The following PTN variants were observed in gnomAD, a reference collection of about 807,000 sequenced individuals.
PTN encodes pleiotrophin, also known as heparin affin regulatory protein.
PTN carries 18 observed loss-of-function variants against 24.1 expected under a neutral mutation model. The ratio of observed to expected loss-of-function variants is 0.75; its 90% CI spans 0.52 to 1.11. PTN has a LOEUF of 1.11. PTN is among the 50% of genes least tolerant of loss of function. The pLI, the probability that PTN is intolerant of heterozygous loss-of-function variation, is 0.00. For synonymous variants in PTN, 78 were observed against 68.6 expected (o/e 1.14, Z -0.67); for missense variants, 163 against 198.8 (o/e 0.82, Z 1.08).
intron 2 of PTN, among the ~76,000 whole-genome samples, chr7:137,253,959 G>A (rs918155364): frequency 6.6e-6 from 1 of 152,118 alleles, no homozygotes; most frequent in African/African-American, 2.4e-5. Context: ...AGAAGAGATG[G>A]TCAAAAATAT....
Position 137,262,549 on chromosome 7 carries a change from C to G in PTN, c.-1-7575G>C, listed in dbSNP as rs1585018293. On this transcript the variant is annotated intron_variant, in intron 1 of 4. Transcript: ENST00000348225. ...AGCCACAGACAAAACCCCTCAGACACCGAGATAGTGAAGGGAGTGGCTTTA... is the reference window on the plus strand; with the variant it reads ...AGCCACAGACAAAACCCCTCAGACAGCGAGATAGTGAAGGGAGTGGCTTTA... 2.0e-5 allele frequency among the ~76,000 whole-genome samples: 3 copies of G among 152,094 alleles called. No individual in the cohort carries two copies. In the South Asian group the frequency reaches 6.2e-4, roughly 32 times the overall value.
At position 137,265,716 on chromosome 7, in the gene PTN, A is replaced by G. The variant is rs552918624; in HGVS notation, c.-1-10742T>C. The stretch of plus-strand genomic sequence containing the variant: ...GGACCATCTTAGTGGAAGGGAGACA[A>G]TCAGGGCCTCTGGCCTGCCATGTGC... On this transcript the variant is annotated intron_variant, in intron 1 of 4. Coordinates refer to ENST00000348225, the MANE Select transcript of PTN (RefSeq NM_002825.7). Among the ~76,000 whole-genome samples the G allele has an allele frequency of 2.4e-3, 362 of 152,356 alleles. 2 individuals are homozygous for G. Among genetic ancestry groups the G allele is most frequent in the African/African-American group, 8.2e-3 (343 of 41,590 alleles).
At chr7:137,343,085 C>CA (rs1199366001) in intron 1 of PTN, among the ~76,000 whole-genome samples, 1 of 152,154 alleles carries the variant, frequency 6.6e-6, no homozygotes, top group Non-Finnish European at 1.5e-5. Flanking sequence ...GCCAGAGACA[C>CA]ACCTACTAAA....
At chr7:137,306,175 TG>T (rs1666896594) in intron 1 of PTN, among the ~76,000 whole-genome samples, 1 of 152,228 alleles carries the variant, frequency 6.6e-6, no homozygotes, top group African/African-American at 2.4e-5. Flanking sequence ...CACTAGCCTT[TG>T]TCCTTCCAGT....
At chr7:137,246,331 CCTT>C (rs749780190) in intron 4 of PTN, among the ~76,000 whole-genome samples, 1 of 152,116 alleles carries the variant, frequency 6.6e-6, no homozygotes, top group Non-Finnish European at 1.5e-5. Flanking sequence ...ATCGGCTATA[CCTT>C]ACAGCCTAGG....
In PTN at chr7:137,251,849, C is replaced by T. The variant is rs377179118; in HGVS notation, c.290-458G>A. 7.2e-5 allele frequency among the ~76,000 whole-genome samples: 11 copies of T among 151,916 alleles called. 1 individual carries two copies. The highest frequency in any genetic ancestry group is 2.2e-4 in the African/African-American group (9 of 41,166). On this transcript the variant is annotated intron_variant, in intron 3 of 4. Transcript: ENST00000348225. ...TAATTTCCTGAAGATCCATCCAAGT[C>T]ATGTGCATCAATAGTCTGTTTCTTC...
Position 137,251,231 on chromosome 7 carries a change from T to G in PTN, c.450A>C (p.Gln150His), listed in dbSNP as rs773039970. ...PCGKLTKPKP[Q>H]AESKKKKKEG... ...TGTGGTATAATGGCAAGGACTTACC[T>G]TGAGGTTTGGGCTTGGTCAGTTTGC... The change falls in exon 4 of 5, where the codon CAA (glutamine) becomes CAC (histidine). Residue 150 changes from glutamine to histidine, a missense_variant and splice_region_variant. Coordinates refer to ENST00000348225, the MANE Select transcript of PTN (RefSeq NM_002825.7). The G allele has an allele frequency of 7.4e-6, 12 of 1,614,048 alleles. No individual in the cohort carries two copies. Among genetic ancestry groups the G allele is most frequent in the Non-Finnish European group, 1.0e-5 (12 of 1,179,916 alleles).
chr7:137,242,353 G>A (rs1808645244), intron 4 of PTN, among the ~76,000 whole-genome samples: 1 of 152,138 alleles, frequency 6.6e-6, no homozygotes, highest in Non-Finnish European at 1.5e-5. Context: ...TGAGGTTATC[G>A]AGAGCAGGAA....
rs906008395 is a variant in PTN, at chr7:137,257,313, A to C, written c.-1-2339T>G. ...AAGTGATCATGGCTTTTGCCCTTAA[A>C]GTAAAAATCGCAGTTACTTTTGCAC... On this transcript the variant is annotated intron_variant, in intron 1 of 4. Coordinates refer to ENST00000348225, the MANE Select transcript of PTN (RefSeq NM_002825.7). Among the ~76,000 whole-genome samples, 7 of 152,190 alleles carry C rather than the reference A, an allele frequency of 4.6e-5. 1 individual carries two copies. Among genetic ancestry groups the C allele is most frequent in the African/African-American group, 1.7e-4 (7 of 41,454 alleles).
chr7:137,265,469 C>T (rs937855956), intron 1 of PTN, among the ~76,000 whole-genome samples: 2 of 152,192 alleles, frequency 1.3e-5, no homozygotes, highest in Admixed American at 6.5e-5. Flanking sequence ...TTAAGCTCAT[C>T]GCATCCCTTC....
chr7:137,252,650 C>T (rs1325760908), intron 3 of PTN, among the ~76,000 whole-genome samples: 1 of 151,838 alleles, frequency 6.6e-6, no homozygotes, highest in Non-Finnish European at 1.5e-5. Flanking sequence ...CATCCATTAT[C>T]CTTCCTCACT....
At chr7:137,239,994 G>T (rs896575276) in intron 4 of PTN, among the ~76,000 whole-genome samples, 1 of 152,040 alleles carries the variant, frequency 6.6e-6, no homozygotes, top group Non-Finnish European at 1.5e-5. Context: ...TTGAACTTCT[G>T]CTTGTTTCGT....
chr7:137,337,295 G>C (rs1810464720), intron 1 of PTN, among the ~76,000 whole-genome samples: 2 of 152,204 alleles, frequency 1.3e-5, no homozygotes, highest in African/African-American at 4.8e-5. Flanking sequence ...CTAAGAAAGA[G>C]ATGGCATTAT....
chr7:137,262,429 CTAATTA>C (rs1809057882), intron 1 of PTN, among the ~76,000 whole-genome samples: 1 of 151,982 alleles, frequency 6.6e-6, no homozygotes, highest in African/African-American at 2.4e-5. Context: ...GCTGAGTTTT[CTAATTA>C]TAATTTGTGA....
intron 1 of PTN, among the ~76,000 whole-genome samples, chr7:137,335,685 A>G (rs953910471): frequency 6.6e-6 from 1 of 152,176 alleles, no homozygotes; most frequent in Admixed American, 6.5e-5. Context: ...TTGGAGACCT[A>G]CTGAATTTTG....
At chr7:137,241,671 T>G (rs772693277) in intron 4 of PTN, among the ~76,000 whole-genome samples, 16 of 152,162 alleles carry the variant, frequency 1.1e-4, no homozygotes, top group Non-Finnish European at 2.2e-4. Context: ...AGGATAGAGT[T>G]AGATCTCCCC....
At position 137,329,308 on chromosome 7, in the gene PTN, C is replaced by G. The variant is rs1045699612; in HGVS notation, c.-2+14131G>C. Reference sequence around the variant, plus strand: ...GAAATAATAAGAACAGAAAGCAAGGCCTTCAGCTTCTAGAACTAGTTGGTG... The same window carrying G: ...GAAATAATAAGAACAGAAAGCAAGGGCTTCAGCTTCTAGAACTAGTTGGTG... On this transcript the variant is annotated intron_variant, in intron 1 of 4. Transcript: ENST00000348225. Among the ~76,000 whole-genome samples the G allele has an allele frequency of 4.6e-5, 7 of 152,160 alleles. No individual in the cohort carries two copies. The East Asian group carries it at 5.8e-4, about 13-fold the overall frequency.
intron 3 of PTN, 57 bp downstream of exon 3, chr7:137,253,407 G>A (rs553952898): frequency 2.0e-6 from 3 of 1,476,638 alleles, no homozygotes; most frequent in African/African-American, 2.8e-5. Context: ...GACATTTGGT[G>A]GAAAAATTTG....
intron 1 of PTN, among the ~76,000 whole-genome samples, chr7:137,286,229 T>C (rs1190559061): frequency 2.6e-5 from 4 of 152,218 alleles, no homozygotes; most frequent in Non-Finnish European, 5.9e-5. Flanking sequence ...TATAAGGCAT[T>C]ATGTAATCAG....
Sources: allele counts gnomAD v4.1 joint callset (sites outside exome capture counted in the v4.1 genomes callset), GRCh38; gene constraint gnomAD v4.1.1; transcripts MANE v1.5; gene names NCBI Gene and HGNC (gene_info 2026-07-23, HGNC 2026-07-21).